The following AGMO variants were observed in gnomAD, a reference collection of about 807,000 sequenced individuals.
AGMO encodes the protein glyceryl-ether monooxygenase.
In AGMO, 75 loss-of-function variants were observed where a neutral mutation model predicts 60.2. The ratio of observed to expected loss-of-function variants is 1.25; its 90% confidence interval spans 1.03 to 1.51. AGMO has a LOEUF of 1.51. AGMO is among the 40% of genes most tolerant of loss of function. AGMO has a pLI of 0.00. For synonymous variants in AGMO, 261 were observed against 177.1 expected, an observed-to-expected ratio of 1.47 and a Z score of -3.76; for missense variants, 763 against 525.5, an observed-to-expected ratio of 1.45 and a Z score of -4.42.
At chr7:15,497,684 A>C (rs1783268741) in intron 3 of AGMO, among the ~76,000 whole-genome samples, 1 of 152,114 alleles carries the variant, frequency 6.6e-6, no homozygotes, top group African/African-American at 2.4e-5. Context: ...GATTCATTCT[A>C]AAATCATATA....
In AGMO at chr7:15,322,552, A is replaced by ATG. The variant is rs1563086287; in HGVS notation, c.1263+42961_1263+42962insCA. On this transcript the variant is annotated intron_variant, in intron 12 of 12. Coordinates refer to ENST00000342526, the MANE Select transcript of AGMO (RefSeq NM_001004320.2). Reference sequence around the variant, plus strand: ...AATATATAAATATATATATAAATATATATAAATATATAAATATATATAAAT... The same window carrying ATG: ...AATATATAAATATATATATAAATATATGTATAAATATATAAATATATATAAAT... Among the ~76,000 whole-genome samples the ATG allele has an allele frequency of 1.8e-3, 109 of 60,578 alleles. 4 individuals are homozygous for ATG. The highest frequency in any genetic ancestry group is 9.1e-3 in the African/African-American group (105 of 11,524). 39.7% of individuals were successfully genotyped at this position (60,578 alleles called of 152,430 possible). A position where few individuals can be genotyped will look rare whatever the true frequency, so the allele number is the denominator to read the frequency against.
At chr7:15,522,064 G>A (rs1583641651) in intron 3 of AGMO, among the ~76,000 whole-genome samples, 1 of 151,802 alleles carries the variant, frequency 6.6e-6, no homozygotes, top group East Asian at 1.9e-4. Context: ...AATAGACAAA[G>A]AGAGAGCCAA....
At chr7:15,378,774 A>G (rs1478599373) in intron 10 of AGMO, among the ~76,000 whole-genome samples, 2 of 151,600 alleles carry the variant, frequency 1.3e-5, no homozygotes, top group African/African-American at 4.9e-5. Flanking sequence ...AGTGATGTCT[A>G]AAAGCATACA....
chr7:15,497,665 CAATT>C (rs1388497960), intron 3 of AGMO, among the ~76,000 whole-genome samples: 19 of 151,990 alleles, frequency 1.3e-4, no homozygotes, highest in Admixed American at 7.2e-4. Flanking sequence ...CACAAGAACA[CAATT>C]AATTGATTCA....
At chr7:15,540,933 C>T (rs1223498817) in intron 3 of AGMO, among the ~76,000 whole-genome samples, 1 of 152,046 alleles carries the variant, frequency 6.6e-6, no homozygotes, top group Non-Finnish European at 1.5e-5. Context: ...AAATAGCACC[C>T]AAGGCAAGAT....
chr7:15,439,214 T>C (rs1449609864), intron 3 of AGMO, among the ~76,000 whole-genome samples: 2 of 152,106 alleles, frequency 1.3e-5, no homozygotes, highest in African/African-American at 4.8e-5. Context: ...CCGGCCAACA[T>C]GGTGAAACCC....
chr7:15,139,918 A>T, the AGMO span, among the ~76,000 whole-genome samples: 84 of 150,904 alleles, frequency 5.6e-4, no homozygotes, highest in African/African-American at 2.0e-3. Context: ...TATAAATACA[A>T]TGTATAGAAT....
chr7:15,236,772 CA>C (rs529480246), intron 12 of AGMO, among the ~76,000 whole-genome samples: 6 of 149,268 alleles, frequency 4.0e-5, no homozygotes, highest in Non-Finnish European at 7.5e-5. Flanking sequence ...ACCACAAGAA[CA>C]AAAAAAAATG....
chr7:15,192,580 CTGGACAA>C, the AGMO span, among the ~76,000 whole-genome samples: 1 of 152,168 alleles, frequency 6.6e-6, no homozygotes, highest in Admixed American at 6.5e-5. Flanking sequence ...TTCCCGGACA[CTGGACAA>C]AGGTCCAGGT....
intron 4 of AGMO, among the ~76,000 whole-genome samples, chr7:15,420,958 G>A (rs550436290): frequency 1.3e-5 from 2 of 152,274 alleles, no homozygotes; most frequent in East Asian, 1.9e-4. Context: ...CCAGACCTAT[G>A]TGTTTGAGGA....
chr7:15,355,425 C>G (rs1246469103), intron 12 of AGMO, among the ~76,000 whole-genome samples: 5 of 139,626 alleles, frequency 3.6e-5, no homozygotes, highest in African/African-American at 1.4e-4. Flanking sequence ...ACAGCGTGAA[C>G]CTGGGAGGTG....
At chr7:15,281,001 C>A (rs970383535) in intron 12 of AGMO, among the ~76,000 whole-genome samples, 1 of 152,126 alleles carries the variant, frequency 6.6e-6, no homozygotes, top group African/African-American at 2.4e-5. Context: ...GGCAGCACCA[C>A]TGGGTGGCTA....
chr7:15,187,340 G>T, the AGMO span, among the ~76,000 whole-genome samples: 1 of 152,154 alleles, frequency 6.6e-6, no homozygotes, highest in African/African-American at 2.4e-5. Flanking sequence ...TGGGACACCA[G>T]TATGCTGAAA....
intron 3 of AGMO, among the ~76,000 whole-genome samples, chr7:15,527,523 T>C (rs576736543): frequency 9.1e-4 from 138 of 152,300 alleles, no homozygotes; most frequent in African/African-American, 3.2e-3. Flanking sequence ...AGAAGCCATC[T>C]TCATAAAATA....
At chr7:15,362,346 A>G (rs1782799443) in intron 12 of AGMO, among the ~76,000 whole-genome samples, 3 of 152,198 alleles carry the variant, frequency 2.0e-5, no homozygotes, top group South Asian at 2.1e-4. Flanking sequence ...TGCTAGCAAA[A>G]TATTTATCCA....
the AGMO span, among the ~76,000 whole-genome samples, chr7:15,131,133 C>T: frequency 6.6e-6 from 1 of 151,992 alleles, no homozygotes; most frequent in Non-Finnish European, 1.5e-5. Flanking sequence ...AGGAGGCGTT[C>T]TTTTCATAGC....
intron 12 of AGMO, among the ~76,000 whole-genome samples, chr7:15,343,183 C>A (rs1378416939): frequency 6.6e-6 from 1 of 152,106 alleles, no homozygotes; most frequent in African/African-American, 2.4e-5. Flanking sequence ...CATATCTCCC[C>A]ACTCGCCACT....
At chr7:15,195,252 T>C in the AGMO span, among the ~76,000 whole-genome samples, 790 of 152,148 alleles carry the variant, frequency 5.2e-3, 5 homozygotes, top group African/African-American at 0.018. Context: ...ATTAAGGACA[T>C]GGAAACACAA....
At chr7:15,493,150 TTTA>T (rs1321322202) in intron 3 of AGMO, among the ~76,000 whole-genome samples, 4 of 152,044 alleles carry the variant, frequency 2.6e-5, no homozygotes, top group Non-Finnish European at 4.4e-5. Flanking sequence ...GTGCTTTATT[TTTA>T]TTGTTATATA....
Sources: gnomAD v4.1 joint callset for allele counts (sites outside exome capture counted in the v4.1 genomes callset) on GRCh38, gnomAD v4.1.1 for gene constraint, MANE v1.5 for transcripts, NCBI Gene and HGNC (gene_info 2026-07-23, HGNC 2026-07-21) for gene names.